Variants in ASAP1 observed in about 807,000 individuals in gnomAD.
ASAP1 encodes the protein ArfGAP with SH3 domain, ankyrin repeat and PH domain 1, also known as arf-GAP with SH3 domain, ANK repeat and PH domain-containing protein 1.
A neutral mutation model predicts 145.2 loss-of-function variants in ASAP1; 43 were observed. The observed-to-expected ratio is 0.30, with a 90% CI of 0.23 to 0.38. The LOEUF (loss-of-function observed/expected upper bound fraction) is 0.38, where lower values mean the gene tolerates loss of function less well. Ranked by LOEUF, ASAP1 falls within the 10% of genes least tolerant of loss-of-function variation. ASAP1 has a pLI of 1.00. For synonymous variants in ASAP1, 546 were observed against 515.5 expected (o/e 1.06, Z -0.80); for missense variants, 1,018 against 1,355.3 (o/e 0.75, Z 3.91).
chr8:130,217,910 C>T (rs896548852), intron 4 of ASAP1, among the ~76,000 whole-genome samples: 11 of 152,214 alleles, frequency 7.2e-5, no homozygotes, highest in African/African-American at 2.7e-4. Context: ...ACAAGTGTCA[C>T]AGCAGTCCAA....
At chr8:130,318,585 C>A (rs1823811783) in intron 3 of ASAP1, among the ~76,000 whole-genome samples, 1 of 152,206 alleles carries the variant, frequency 6.6e-6, no homozygotes, top group Non-Finnish European at 1.5e-5. Context: ...CGAATTAAAA[C>A]ATTTACTGTT....
intron 25 of ASAP1, among the ~76,000 whole-genome samples, chr8:130,087,863 G>A (rs982407271): frequency 5.3e-5 from 8 of 152,338 alleles, no homozygotes; most frequent in Admixed American, 1.3e-4. Context: ...ACAGTGGGGA[G>A]AGGAGTACAT....
chr8:130,286,670 G>A (rs1821632935), intron 3 of ASAP1, among the ~76,000 whole-genome samples: 1 of 152,070 alleles, frequency 6.6e-6, no homozygotes, highest in Non-Finnish European at 1.5e-5. Context: ...TACCCAATAA[G>A]GGTTACCCAT....
intron 9 of ASAP1, among the ~76,000 whole-genome samples, chr8:130,177,823 C>G (rs1814071258): frequency 6.6e-6 from 1 of 152,146 alleles, no homozygotes; most frequent in South Asian, 2.1e-4. Context: ...AGAATCATCA[C>G]AGCTGTCAAC....
chr8:130,283,447 A>G (rs1821376644), intron 3 of ASAP1, among the ~76,000 whole-genome samples: 1 of 151,860 alleles, frequency 6.6e-6, no homozygotes, highest in South Asian at 2.1e-4. Flanking sequence ...GCATGGTGGC[A>G]TGCGCGCCTG....
intron 3 of ASAP1, among the ~76,000 whole-genome samples, chr8:130,247,304 A>G (rs1043712357): frequency 6.6e-6 from 1 of 152,186 alleles, no homozygotes; most frequent in African/African-American, 2.4e-5. Flanking sequence ...CATTAATCTT[A>G]TATCATCTTA....
rs557802401 is a variant in ASAP1 at position 130,124,247 on chromosome 8, C to T, written c.1516-143G>A. 9.3e-6 allele frequency: 6 copies of T among 643,376 alleles called. No individual in the cohort carries two copies. In the East Asian group the frequency reaches 1.8e-4, roughly 19 times the overall value. The allele number at this position is 643,376 out of a possible 1,614,324, so 39.9% of individuals were successfully genotyped here. A position where few individuals can be genotyped will look rare whatever the true frequency, so the allele number is the denominator to read the frequency against. ...TACAAACCACCGTCCATCTGGTCTA[C>T]AAATATTTACTGAGCATCTACTACG... On this transcript the variant is annotated intron_variant, in intron 17 of 29. Transcript: ENST00000518721.
chr8:130,431,354 A>G (rs958348665), intron 1 of ASAP1, among the ~76,000 whole-genome samples: 1 of 152,174 alleles, frequency 6.6e-6, no homozygotes, highest in Non-Finnish European at 1.5e-5. Flanking sequence ...GCTTCAAGAT[A>G]AAGTTCAAGC....
chr8:130,437,613 T>C (rs913964160), intron 1 of ASAP1, among the ~76,000 whole-genome samples: 2 of 150,218 alleles, frequency 1.3e-5, no homozygotes, highest in Non-Finnish European at 3.0e-5. Flanking sequence ...ATTATTTAGA[T>C]AGATAGACTA....
intron 5 of ASAP1, among the ~76,000 whole-genome samples, chr8:130,210,583 C>T (rs774953068): frequency 4.6e-5 from 7 of 152,174 alleles, no homozygotes; most frequent in South Asian, 2.1e-4. Flanking sequence ...GTACCTTGCA[C>T]GCTAAACACA....
At chr8:130,170,350 TC>T (rs1813502127) in intron 9 of ASAP1, among the ~76,000 whole-genome samples, 1 of 152,128 alleles carries the variant, frequency 6.6e-6, no homozygotes, top group Non-Finnish European at 1.5e-5. Flanking sequence ...AGACAGGGTT[TC>T]ACCAAGTTGA....
chr8:130,301,899 A>C (rs979934896), intron 3 of ASAP1, among the ~76,000 whole-genome samples: 2 of 152,364 alleles, frequency 1.3e-5, no homozygotes, highest in Admixed American at 1.3e-4. Context: ...CATACAGGAT[A>C]ATCTTCAAAG....
chr8:130,252,254 ACAT>A (rs143805993), intron 3 of ASAP1, among the ~76,000 whole-genome samples: 2,511 of 152,332 alleles, frequency 0.016, 68 homozygotes, highest in African/African-American at 0.056. Context: ...ATAATTTAGA[ACAT>A]CAAGTTACAT....
At chr8:130,195,290 A>G (rs1049275619) in intron 5 of ASAP1, 8 of 148,694 alleles carry the variant, frequency 5.4e-5, no homozygotes, top group African/African-American at 1.7e-4. Flanking sequence ...AATCCAAGCA[A>G]TTGGCGGGGG....
chr8:130,076,589 T>A (rs1394306707), intron 26 of ASAP1, among the ~76,000 whole-genome samples, 183 bp from the exon 27 acceptor site: 2 of 152,190 alleles, frequency 1.3e-5, no homozygotes, highest in Admixed American at 1.3e-4. Flanking sequence ...TGGCGCGATC[T>A]CTGCTCACTG....
intron 24 of ASAP1, among the ~76,000 whole-genome samples, chr8:130,102,581 GT>G (rs1332287994): frequency 6.6e-6 from 1 of 152,152 alleles, no homozygotes; most frequent in Non-Finnish European, 1.5e-5. Flanking sequence ...TCCTTGTCTG[GT>G]TTTGGTATTA....
At chr8:130,072,828 C>CGCGCGCGCGCACGT (rs1564928208) in intron 27 of ASAP1, among the ~76,000 whole-genome samples, 1 of 27,686 alleles carries the variant, frequency 3.6e-5, no homozygotes, top group Non-Finnish European at 6.4e-5. Context: ...TGTGTGTGCG[C>CGCGCGCGCGCACGT]GCGGGGGGGG....
chr8:130,171,453 GGAGAAATGCTA>G (rs1813591232), intron 9 of ASAP1, among the ~76,000 whole-genome samples: 1 of 152,128 alleles, frequency 6.6e-6, no homozygotes, highest in African/African-American at 2.4e-5. Flanking sequence ...AATGCCAGCA[GGAGAAATGCTA>G]GACACTTAAA....
intron 3 of ASAP1, among the ~76,000 whole-genome samples, chr8:130,283,587 G>GACAAAAAAAAAAAAA (rs1821396757): frequency 1.4e-4 from 3 of 20,852 alleles, no homozygotes; most frequent in African/African-American, 5.1e-4. Context: ...ATCACAGAAA[G>GACAAAAAAAAAAAAA]AAAAAAAAAA....
Sources: allele counts gnomAD v4.1 joint callset (sites outside exome capture counted in the v4.1 genomes callset), GRCh38; gene constraint gnomAD v4.1.1; transcripts MANE v1.5; gene names NCBI Gene and HGNC (gene_info 2026-07-23, HGNC 2026-07-21).